The following TXNDC16 variants were observed in gnomAD, a reference collection of about 807,000 sequenced individuals.
The protein encoded by TXNDC16 is thioredoxin domain containing 16, also known as thioredoxin domain-containing protein 16.
A neutral mutation model predicts 85.6 loss-of-function variants in TXNDC16; 74 were observed. The ratio of observed to expected loss-of-function variants is 0.86; its 90% CI spans 0.72 to 1.05. The LOEUF (loss-of-function observed/expected upper bound fraction) is 1.05, where lower values mean the gene tolerates loss of function less well. TXNDC16 is among the 50% of genes least tolerant of loss of function. TXNDC16 has a pLI of 0.00. For synonymous variants in TXNDC16, 335 were observed against 326.5 expected, an observed-to-expected ratio of 1.03 and a Z score of -0.28; for missense variants, 959 against 947.0, an observed-to-expected ratio of 1.01 and a Z score of -0.17.
intron 7 of TXNDC16, among the ~76,000 whole-genome samples, chr14:52,518,879 T>C (rs1171304589): frequency 6.6e-6 from 1 of 152,134 alleles, no homozygotes; most frequent in African/African-American, 2.4e-5. Context: ...ACAATTACAC[T>C]AACAGGTAGG....
chr14:52,542,441 G>A lies in TXNDC16; in HGVS notation c.173C>T (p.Thr58Ile). ...ATTCAGTTCTTCAAGAAATACAGATGTTCTTGGGGAATCTAAAACAACAAA... is the reference window on the plus strand; with the variant it reads ...ATTCAGTTCTTCAAGAAATACAGATATTCTTGGGGAATCTAAAACAACAAA... The part of the protein sequence containing the change: ...AYFCQADSPR[T>I]SVFLEELNEA... The change falls in exon 4 of 21, where the codon ACA (threonine) becomes ATA (isoleucine). Residue 58 changes from threonine (T) to isoleucine (I), a missense_variant. By Grantham distance (89) the Thr-to-Ile change is moderately conservative (BLOSUM62 -1). Transcript: ENST00000281741. 1 of 1,611,328 alleles carries A rather than the reference G, an allele frequency of 6.2e-7. No homozygotes were observed.
At chr14:52,458,575 A>C (rs1351593359) in intron 16 of TXNDC16, among the ~76,000 whole-genome samples, 1 of 152,214 alleles carries the variant, frequency 6.6e-6, no homozygotes, top group Non-Finnish European at 1.5e-5. Context: ...GACGAGAGAC[A>C]GAGAGAAAAT....
intron 8 of TXNDC16, among the ~76,000 whole-genome samples, chr14:52,513,390 A>G (rs564710025): frequency 3.3e-5 from 5 of 152,202 alleles, no homozygotes; most frequent in Admixed American, 6.5e-5. Context: ...TCCAAAAGTG[A>G]TATCACAGCA....
chr14:52,446,809 T>C (rs1471384558), intron 18 of TXNDC16, among the ~76,000 whole-genome samples: 1 of 152,134 alleles, frequency 6.6e-6, no homozygotes, highest in Non-Finnish European at 1.5e-5. Context: ...ATGACATTTC[T>C]AGATACACCC....
intron 14 of TXNDC16, among the ~76,000 whole-genome samples, chr14:52,480,742 A>G (rs2036125227): frequency 1.3e-5 from 2 of 151,916 alleles, no homozygotes; most frequent in Admixed American, 6.6e-5. Context: ...AACTAGTACA[A>G]CCACTGTGGA....
chr14:52,434,593 GT>G (rs137959947), intron 20 of TXNDC16, among the ~76,000 whole-genome samples: 3,625 of 152,268 alleles, frequency 0.024, 142 homozygotes, highest in African/African-American at 0.084. Context: ...AGTGGCCACA[GT>G]TTCACAGAAA....
intron 18 of TXNDC16, among the ~76,000 whole-genome samples, chr14:52,446,405 T>A (rs1322974402): frequency 6.6e-6 from 1 of 152,160 alleles, no homozygotes; most frequent in Non-Finnish European, 1.5e-5. Flanking sequence ...GAAATGCCCA[T>A]CCTAGAAGTC....
intron 6 of TXNDC16, among the ~76,000 whole-genome samples, chr14:52,530,434 T>TA (rs2037511023): frequency 1.7e-3 from 28 of 16,178 alleles, no homozygotes; most frequent in African/African-American, 2.3e-3. Flanking sequence ...TATATAATAA[T>TA]ATATAATATA....
chr14:52,479,353 G>C (rs974911893), intron 14 of TXNDC16, among the ~76,000 whole-genome samples: 1 of 151,970 alleles, frequency 6.6e-6, no homozygotes, highest in African/African-American at 2.4e-5. Flanking sequence ...CATCCAAACT[G>C]GTAAAGAGGA....
intron 9 of TXNDC16, among the ~76,000 whole-genome samples, chr14:52,498,426 C>T (rs1594731068): frequency 6.6e-6 from 1 of 151,466 alleles, no homozygotes; most frequent in Admixed American, 6.6e-5. Flanking sequence ...CACACACACA[C>T]ACACACACAC....
intron 16 of TXNDC16, 136 bp from the exon 17 acceptor site, chr14:52,457,310 T>C: frequency 2.0e-6 from 1 of 500,006 alleles, no homozygotes; most frequent in Non-Finnish European, 3.5e-6. Flanking sequence ...ATGTCTTATA[T>C]AATTTAGTGG....
intron 20 of TXNDC16, among the ~76,000 whole-genome samples, chr14:52,434,196 A>G (rs2034975153): frequency 6.6e-6 from 1 of 152,182 alleles, no homozygotes; most frequent in African/African-American, 2.4e-5. Context: ...CTCAACAACA[A>G]CAAAGAGTCC....
chr14:52,513,579 A>C (rs1396680839), intron 8 of TXNDC16, among the ~76,000 whole-genome samples: 1 of 152,068 alleles, frequency 6.6e-6, no homozygotes, highest in Non-Finnish European at 1.5e-5. Context: ...CCATTTAAAA[A>C]ATGGGAAAAG....
At chr14:52,487,279 T>C (rs779007398) in intron 12 of TXNDC16, among the ~76,000 whole-genome samples, 1 of 152,120 alleles carries the variant, frequency 6.6e-6, no homozygotes, top group Non-Finnish European at 1.5e-5. Context: ...GAACCAGAGC[T>C]CTGCTCAAAC....
At chr14:52,474,401 T>G (rs1256523402) in intron 14 of TXNDC16, among the ~76,000 whole-genome samples, 2 of 152,196 alleles carry the variant, frequency 1.3e-5, no homozygotes, top group Non-Finnish European at 2.9e-5. Flanking sequence ...GCAACTTGCC[T>G]TGCATAAAGG....
Position 52,462,639 on chromosome 14 carries a change from C to T in TXNDC16, c.1619-5465G>A, listed in dbSNP as rs1320713107. On this transcript the variant is annotated intron_variant, in intron 16 of 20. Coordinates refer to ENST00000281741, the MANE Select transcript of TXNDC16 (RefSeq NM_020784.3). ...AGCCACTGTTCCTGGCCCTGGCTAC[C>T]TGTTATAAAGGGTCTTTTAAAACAG... Among the ~76,000 whole-genome samples the T allele has an allele frequency of 2.0e-5, 3 of 152,186 alleles. No individual in the cohort carries two copies. The East Asian group carries it at 5.8e-4, about 29-fold the overall frequency.
At chr14:52,551,652 C>T (rs377056070) in intron 1 of TXNDC16, among the ~76,000 whole-genome samples, 6 of 152,014 alleles carry the variant, frequency 3.9e-5, no homozygotes, top group African/African-American at 1.2e-4. Context: ...AATCTTATTT[C>T]CAAATAGGAA....
At chr14:52,433,842 T>C (rs368931339) in intron 20 of TXNDC16, among the ~76,000 whole-genome samples, 6 of 152,254 alleles carry the variant, frequency 3.9e-5, no homozygotes, top group African/African-American at 1.2e-4. Context: ...AGAATAACTG[T>C]AGTTTGCAAT....
At chr14:52,485,670 T>A (rs934500931) in intron 12 of TXNDC16, among the ~76,000 whole-genome samples, 5 of 152,170 alleles carry the variant, frequency 3.3e-5, no homozygotes, top group Non-Finnish European at 7.3e-5. Flanking sequence ...TCTACCATTG[T>A]GTTATAGGTA....
Sources: gnomAD v4.1 joint callset for allele counts (sites outside exome capture counted in the v4.1 genomes callset) on GRCh38, gnomAD v4.1.1 for gene constraint, MANE v1.5 for transcripts, NCBI Gene and HGNC (gene_info 2026-07-23, HGNC 2026-07-21) for gene names.